The following DIS3L variants were observed in gnomAD, a reference collection of about 807,000 sequenced individuals.
DIS3L encodes the protein DIS3 like exosome 3'-5' exoribonuclease.
In DIS3L, 100 loss-of-function variants were observed where a neutral mutation model predicts 120.3. That is an observed-to-expected ratio of 0.83 (90% CI 0.71 to 0.98). The LOEUF (loss-of-function observed/expected upper bound fraction) is 0.98. Among genes scored for constraint, DIS3L ranks in the 50% least tolerant of loss-of-function variants. DIS3L has a pLI of 0.00. For missense variants in DIS3L, 1,196 were observed against 1,314.2 expected (o/e 0.91, Z 1.39); for synonymous variants, 426 against 470.6 (o/e 0.91, Z 1.23).
In DIS3L at chr15:66,308,934, A is replaced by C. The variant is rs551507207; in HGVS notation, c.558+90A>C. ...TCCCTTTGGTAACACAGAAAAGAGA[A>C]AAGAGGAATAGACATTAAGTTCCAT... is the stretch of plus-strand genomic sequence containing the variant. On this transcript the variant is annotated intron_variant, in intron 4 of 16. Transcript: ENST00000319212. 37 of 1,443,964 alleles carry C rather than the reference A, an allele frequency of 2.6e-5. 1 individual carries two copies. The South Asian group carries it at 5.0e-4, about 19-fold the overall frequency. The allele number at this position is 1,443,964 out of a possible 1,614,324, so 89.4% of individuals were successfully genotyped here.
chr15:66,327,722 T>C (rs1334295706), intron 12 of DIS3L, among the ~76,000 whole-genome samples: 2 of 151,910 alleles, frequency 1.3e-5, no homozygotes, highest in Non-Finnish European at 2.9e-5. Flanking sequence ...CCAGCCTGGG[T>C]GACAGAGCGA....
intron 12 of DIS3L, among the ~76,000 whole-genome samples, chr15:66,328,714 C>G (rs1306763555): frequency 1.3e-5 from 2 of 152,314 alleles, no homozygotes; most frequent in Non-Finnish European, 2.9e-5. Context: ...CAAGCACTAA[C>G]TTAACCTAGT....
chr15:66,324,216 G>A (rs1308741572), intron 11 of DIS3L, among the ~76,000 whole-genome samples: 3 of 152,050 alleles, frequency 2.0e-5, no homozygotes, highest in Non-Finnish European at 4.4e-5. Flanking sequence ...ATGGTATCTT[G>A]GAGATCATTC....
At chr15:66,329,159 C>G (rs2092971580) in intron 13 of DIS3L, 35 bp downstream of exon 13, 1 of 1,593,054 alleles carries the variant, frequency 6.3e-7, no homozygotes, top group Non-Finnish European at 8.5e-7. Flanking sequence ...GTGGCTGTAA[C>G]TTTGCGCTAG....
At chr15:66,296,757 C>A (rs1170341741) in intron 2 of DIS3L, among the ~76,000 whole-genome samples, 1 of 152,098 alleles carries the variant, frequency 6.6e-6, no homozygotes, top group Admixed American at 6.5e-5. Flanking sequence ...CTCCTTACCT[C>A]ATGATCCGCC....
intron 2 of DIS3L, among the ~76,000 whole-genome samples, chr15:66,305,966 C>T (rs2092698883): frequency 1.3e-5 from 2 of 152,162 alleles, no homozygotes; most frequent in Admixed American, 6.5e-5. Flanking sequence ...TTTATGGCTT[C>T]GGCCAGCATT....
chr15:66,324,013 G>A (rs1384845235), intron 11 of DIS3L, among the ~76,000 whole-genome samples: 1 of 152,044 alleles, frequency 6.6e-6, no homozygotes, highest in East Asian at 1.9e-4. Context: ...GAATCATATA[G>A]GCCCGAACTC....
chr15:66,320,127 A>AAAAAT (rs966587965), intron 8 of DIS3L, among the ~76,000 whole-genome samples: 6 of 152,166 alleles, frequency 3.9e-5, no homozygotes, highest in Admixed American at 6.6e-5. Flanking sequence ...CCATCTCGAA[A>AAAAAT]AAAATAAAAT....
intron 1 of DIS3L, chr15:66,294,304 T>TG (rs1291637421): frequency 1.0e-6 from 1 of 985,368 alleles, no homozygotes; most frequent in African/African-American, 1.7e-5. Flanking sequence ...TGGGGACTCC[T>TG]GGGCCCCAGT....
chr15:66,325,911 G>T lies in DIS3L; in HGVS notation c.1748G>T (p.Arg583Leu). 6.2e-7 allele frequency: 1 copy of T among 1,614,054 alleles called. No homozygotes were observed. Among genetic ancestry groups the T allele is most frequent in the Non-Finnish European group, 8.5e-7 (1 of 1,179,980 alleles). Residue 583 changes from arginine (R) to leucine (L), a missense_variant, in exon 12 of 17, where the codon CGA becomes CTA. Arg to Leu is a moderately radical substitution (Grantham distance 102). Coordinates refer to ENST00000319212, the MANE Select transcript of DIS3L (RefSeq NM_001143688.3). ...KKVWYGRTIIRSAYKLFYEAA... is the reference protein window; with the variant it reads ...KKVWYGRTIILSAYKLFYEAA... ...GTGTGGTATGGCAGAACCATTATTC[G>T]ATCAGCATACAAACTGTTCTATGAA... is the stretch of plus-strand genomic sequence containing the variant.
At position 66,315,034 on chromosome 15, in the gene DIS3L, A is replaced by G; in HGVS notation, c.815-2A>G. ...GTTTTTTCTGTGCTGCCCCAAACAC[A>G]GATTTAGTCAGTGACATCCTAATCC... is the stretch of plus-strand genomic sequence containing the variant. On this transcript the variant is annotated splice_acceptor_variant, in intron 6 of 16. Transcript: ENST00000319212. LOFTEE classifies it high-confidence loss of function. 6.2e-7 allele frequency: 1 copy of G among 1,613,214 alleles called. No individual in the cohort carries two copies. Among genetic ancestry groups the G allele is most frequent in the Non-Finnish European group, 8.5e-7 (1 of 1,179,312 alleles).
Position 66,308,774 on chromosome 15 carries a change from T to G in DIS3L, c.488T>G (p.Val163Gly), listed in dbSNP as rs2092726242. 1.2e-6 allele frequency: 2 copies of G among 1,613,550 alleles called. No homozygotes were observed. The highest frequency in any genetic ancestry group is 1.7e-6 in the Non-Finnish European group (2 of 1,179,764). The change falls in exon 4 of 17, where the codon GTG (valine) becomes GGG (glycine). Residue 163 changes from valine (V) to glycine (G), a missense_variant. Transcript: ENST00000319212. ...HCQDRMPIVM[V>G]TEDEEAIQQY... ...CAGGACAGGATGCCAATTGTTATGG[T>G]GACAGAAGATGAAGAGGCAATTCAG...
At chr15:66,320,465 C>T (rs2092870026) in intron 8 of DIS3L, 106 bp from the exon 9 acceptor site, 7 of 1,284,286 alleles carry the variant, frequency 5.5e-6, no homozygotes, top group Non-Finnish European at 6.3e-6. Flanking sequence ...CACCTGGCCA[C>T]TCTCCTTGGA....
In DIS3L at chr15:66,298,128, G is replaced by A. The variant is rs182821669; in HGVS notation, c.293+2987G>A. On this transcript the variant is annotated intron_variant, in intron 2 of 16. Transcript: ENST00000319212. ...CGGGAGGCGGAGGTTGTGGTGAGCC[G>A]AGATCATGCTACAGCACTCCAGCCT... 4.4e-4 allele frequency among the ~76,000 whole-genome samples: 57 copies of A among 129,548 alleles called. No individual in the cohort carries two copies. In the East Asian group the frequency reaches 0.01, roughly 24 times the overall value. The allele number at this position is 129,548 out of a possible 152,430, so 85.0% of individuals were successfully genotyped here.
chr15:66,313,816 T>A (rs1049405049), intron 5 of DIS3L, among the ~76,000 whole-genome samples: 1 of 150,650 alleles, frequency 6.6e-6, no homozygotes, highest in Admixed American at 6.6e-5. Context: ...TGTGTGTACA[T>A]CTCGAAAAAA....
chr15:66,293,659 C>A lies in DIS3L; in HGVS notation c.63C>A (p.Ile21=). 1 of 1,430,442 alleles carries A rather than the reference C, an allele frequency of 7.0e-7. No homozygotes were observed. 88.6% of individuals were successfully genotyped at this position (1,430,442 alleles called of 1,614,324 possible). The change falls in exon 1 of 17, where the codon ATC becomes ATA. Residue 21 remains isoleucine, a synonymous_variant. Transcript: ENST00000319212. ...CCTTCCAGGGCCGCACGCTGCGGAT[C>A]GTGCGCGAGCACTACCTGCGGCCCT... ...LRTFQGRTLR[I]VREHYLRPCV... is the part of the protein sequence containing the mutation.
At chr15:66,328,384 G>A (rs973285193) in intron 12 of DIS3L, among the ~76,000 whole-genome samples, 17 of 151,802 alleles carry the variant, frequency 1.1e-4, no homozygotes, top group African/African-American at 3.9e-4. Context: ...TATATTTCCT[G>A]GGGCTTTGAA....
At chr15:66,326,717 C>T (rs975379084) in intron 12 of DIS3L, among the ~76,000 whole-genome samples, 1 of 151,698 alleles carries the variant, frequency 6.6e-6, no homozygotes, top group Non-Finnish European at 1.5e-5. Flanking sequence ...GTAGCTGGGA[C>T]TACAGGCACA....
Position 66,329,110 on chromosome 15 carries a change from A to G in DIS3L, c.2342A>G (p.Glu781Gly). Reference sequence around the variant, plus strand: ...TCCACCGGATCCTGTGCGGAGGAGGAGTTCCATCATTACGGTGAATCATAC... The same window carrying G: ...TCCACCGGATCCTGTGCGGAGGAGGGGTTCCATCATTACGGTGAATCATAC... Reference protein sequence around the residue: ...YFSTGSCAEEEFHHYGLALDK... With the variant: ...YFSTGSCAEEGFHHYGLALDK... Residue 781 changes from glutamate (E) to glycine (G), a missense_variant, in exon 13 of 17, where the codon GAG (glutamate) becomes GGG (glycine). Physicochemically the swap from Glu to Gly is moderately conservative, Grantham distance 98. Transcript: ENST00000319212. 6.2e-7 allele frequency: 1 copy of G among 1,611,968 alleles called. No homozygotes were observed. The highest frequency in any genetic ancestry group is 1.1e-5 in the South Asian group (1 of 90,500).
Sources: gnomAD v4.1 joint callset for allele counts (sites outside exome capture counted in the v4.1 genomes callset) on GRCh38, gnomAD v4.1.1 for gene constraint, MANE v1.5 for transcripts, NCBI Gene and HGNC (gene_info 2026-07-23, HGNC 2026-07-21) for gene names.